The following SHTN1 variants were observed in gnomAD, a reference collection of about 807,000 sequenced individuals.
SHTN1 encodes the protein shootin 1.
In SHTN1, 42 loss-of-function variants were observed where a neutral mutation model predicts 83.1. The ratio of observed to expected loss-of-function variants is 0.51; its 90% CI spans 0.39 to 0.65. The LOEUF is 0.65. Ranked by LOEUF, SHTN1 falls within the 30% of genes least tolerant of loss-of-function variation. The pLI is 0.00. For synonymous variants in SHTN1, 224 were observed against 247.7 expected, an observed-to-expected ratio of 0.90 and a Z score of 0.90; for missense variants, 622 against 737.8, an observed-to-expected ratio of 0.84 and a Z score of 1.82.
At chr10:116,968,315 A>T (rs1850474471) in intron 3 of SHTN1, among the ~76,000 whole-genome samples, 1 of 152,234 alleles carries the variant, frequency 6.6e-6, no homozygotes, top group East Asian at 1.9e-4. Flanking sequence ...TTTTTACTAC[A>T]CAAATAAAAG....
In SHTN1 at chr10:116,888,703, T is replaced by G. The variant is rs376722440; in HGVS notation, c.1674-2137A>C. ...GCTGGAGAAACTGTGGGCCAGTCAC[T>G]GCCACATGCCAGTTAGGTGAGTCAG... On this transcript the variant is annotated intron_variant, in intron 16 of 16. Coordinates refer to ENST00000355371, the MANE Select transcript of SHTN1 (RefSeq NM_001127211.3). Among the ~76,000 whole-genome samples the G allele has an allele frequency of 1.3e-3, 203 of 152,356 alleles. 1 individual carries two copies. The highest frequency in any genetic ancestry group is 4.8e-3 in the African/African-American group (198 of 41,570).
chr10:117,122,025 C>T (rs1853936623), intron 1 of SHTN1, among the ~76,000 whole-genome samples: 2 of 151,848 alleles, frequency 1.3e-5, no homozygotes, highest in Admixed American at 1.3e-4. Flanking sequence ...CAGCAAGACC[C>T]CATCTCAAAA....
intron 2 of SHTN1, among the ~76,000 whole-genome samples, chr10:116,972,920 G>T (rs534902539): frequency 6.6e-6 from 1 of 152,282 alleles, no homozygotes; most frequent in African/African-American, 2.4e-5. Flanking sequence ...AATATTAGAA[G>T]CCCTGGCTAT....
chr10:117,040,919 T>C (rs1392178813), intron 2 of SHTN1, among the ~76,000 whole-genome samples: 1 of 151,618 alleles, frequency 6.6e-6, no homozygotes, highest in Non-Finnish European at 1.5e-5. Context: ...CAACTCTTTT[T>C]CTTTTATTAT....
chr10:117,045,039 C>A (rs1052350950), intron 2 of SHTN1, among the ~76,000 whole-genome samples: 1 of 152,128 alleles, frequency 6.6e-6, no homozygotes, highest in African/African-American at 2.4e-5. Flanking sequence ...TGACAACTTA[C>A]AAAACTTACA....
At chr10:117,005,374 C>T (rs2133549639), upstream of SHTN1, 1 of 1,189,510 alleles carries the variant, frequency 8.4e-7, no homozygotes, top group Non-Finnish European at 1.0e-6. Context: ...CTGTGGCTGC[C>T]GGCGCGGCAG....
chr10:117,068,257 G>A (rs1019710944), intron 1 of SHTN1, among the ~76,000 whole-genome samples: 3 of 152,138 alleles, frequency 2.0e-5, no homozygotes, highest in African/African-American at 7.2e-5. Flanking sequence ...AGGCGCAGTG[G>A]TGGGCACCTG....
At chr10:116,995,081 CATT>C (rs1173218220) in intron 1 of SHTN1, among the ~76,000 whole-genome samples, 1 of 152,140 alleles carries the variant, frequency 6.6e-6, no homozygotes, top group Non-Finnish European at 1.5e-5. Context: ...TTGTCAACTG[CATT>C]ATTATCATAA....
Position 116,901,662 on chromosome 10 carries a change from G to A in SHTN1, c.1673+103C>T, listed in dbSNP as rs1191088220. 3.1e-5 allele frequency: 42 copies of A among 1,354,618 alleles called. No individual in the cohort carries two copies. In the Middle Eastern group the frequency reaches 2.2e-3, roughly 73 times the overall value. The allele number at this position is 1,354,618 out of a possible 1,614,324, so 83.9% of individuals were successfully genotyped here. On this transcript the variant is annotated intron_variant, in intron 16 of 16. Transcript: ENST00000355371. ...GAAAAGAAGAAGAGAATTTACCGGCGAGCCAATCAAAATCTCTCTAAAGGA... is the reference window on the plus strand; with the variant it reads ...GAAAAGAAGAAGAGAATTTACCGGCAAGCCAATCAAAATCTCTCTAAAGGA...
chr10:116,948,746 G>A (rs1849673822), intron 7 of SHTN1, among the ~76,000 whole-genome samples, 170 bp downstream of exon 7: 1 of 152,242 alleles, frequency 6.6e-6, no homozygotes, highest in Non-Finnish European at 1.5e-5. Context: ...CAGACTCTAA[G>A]TTGGGTAATA....
intron 1 of SHTN1, among the ~76,000 whole-genome samples, chr10:116,983,347 T>G (rs1455283355): frequency 6.6e-6 from 1 of 152,322 alleles, no homozygotes; most frequent in South Asian, 2.1e-4. Flanking sequence ...CCTCAAATTC[T>G]GTGTTTATGA....
chr10:116,960,244 G>A lies in SHTN1; in HGVS notation c.173-14C>T. ...CCATGTGAGAAACTAGGAATGAGGG[G>A]GAAAAAAAATCTCAGCATTCAAAGA... On this transcript the variant is annotated splice_polypyrimidine_tract_variant and intron_variant, in intron 3 of 16. Coordinates refer to ENST00000355371, the MANE Select transcript of SHTN1 (RefSeq NM_001127211.3). 1.4e-6 allele frequency: 2 copies of A among 1,453,948 alleles called. No individual in the cohort carries two copies. Among genetic ancestry groups the A allele is most frequent in the Non-Finnish European group, 1.9e-6 (2 of 1,037,752 alleles). The allele number at this position is 1,453,948 out of a possible 1,614,324, so 90.1% of individuals were successfully genotyped here.
intron 2 of SHTN1, among the ~76,000 whole-genome samples, chr10:117,019,132 CTG>C (rs34712289): frequency 0.66 from 99,884 of 151,730 alleles, 36,321 homozygotes; most frequent in Middle Eastern, 0.85. Context: ...TGACTAGAAA[CTG>C]AAATTTTAAA....
At chr10:116,935,111 C>T (rs982356422) in intron 9 of SHTN1, among the ~76,000 whole-genome samples, 5 of 152,124 alleles carry the variant, frequency 3.3e-5, no homozygotes, top group Admixed American at 6.6e-5. Context: ...CATCTGCAAA[C>T]AGAGACAATT....
At chr10:116,964,290 C>T (rs1216130595) in intron 3 of SHTN1, among the ~76,000 whole-genome samples, 2 of 152,122 alleles carry the variant, frequency 1.3e-5, no homozygotes, top group African/African-American at 2.4e-5. Context: ...AATCCTATAA[C>T]GTAGGGATCA....
intron 2 of SHTN1, among the ~76,000 whole-genome samples, chr10:117,030,140 G>A (rs2133571665): frequency 6.6e-6 from 1 of 152,120 alleles, no homozygotes; most frequent in Non-Finnish European, 1.5e-5. Flanking sequence ...GCCCACCTTG[G>A]CCTCCCAAAG....
At chr10:116,991,078 C>G (rs961322720) in intron 1 of SHTN1, among the ~76,000 whole-genome samples, 2 of 152,060 alleles carry the variant, frequency 1.3e-5, no homozygotes, top group African/African-American at 4.8e-5. Flanking sequence ...CCCAGCTACT[C>G]TGGAGGCTGA....
intron 1 of SHTN1, among the ~76,000 whole-genome samples, chr10:117,084,562 C>T (rs1408201434): frequency 6.6e-6 from 1 of 152,212 alleles, no homozygotes; most frequent in Non-Finnish European, 1.5e-5. Context: ...TGGTGGGCTC[C>T]ACCCAGTTCG....
At chr10:117,075,537 T>C (rs1366437539) in intron 1 of SHTN1, among the ~76,000 whole-genome samples, 7 of 152,178 alleles carry the variant, frequency 4.6e-5, no homozygotes, top group Non-Finnish European at 1.0e-4. Flanking sequence ...TACTAGGGAA[T>C]ACAAACTAAT....
Sources: gnomAD v4.1 joint callset for allele counts (sites outside exome capture counted in the v4.1 genomes callset) on GRCh38, gnomAD v4.1.1 for gene constraint, MANE v1.5 for transcripts, NCBI Gene and HGNC (gene_info 2026-07-23, HGNC 2026-07-21) for gene names.